The following DNM3 variants were observed in gnomAD, a reference collection of about 807,000 sequenced individuals.
The protein encoded by DNM3 is dynamin-3.
In DNM3, 47 loss-of-function variants were observed where a neutral mutation model predicts 101.6. That is an observed-to-expected ratio of 0.46 (90% CI 0.37 to 0.59). DNM3 has a LOEUF of 0.59. Among genes scored for constraint, DNM3 ranks in the 20% least tolerant of loss-of-function variants. DNM3 has a pLI of 0.00. For synonymous variants in DNM3, 385 were observed against 387.9 expected (o/e 0.99, Z 0.09); for missense variants, 849 against 1,085.7 (o/e 0.78, Z 3.06).
At chr1:172,267,713 CT>C (rs200336379) in intron 15 of DNM3, among the ~76,000 whole-genome samples, 14 of 148,736 alleles carry the variant, frequency 9.4e-5, no homozygotes, top group African/African-American at 2.2e-4. Context: ...TTCAGGTTTT[CT>C]TTTTTTTTTA....
At chr1:171,955,711 A>G (rs1287584316) in intron 2 of DNM3, among the ~76,000 whole-genome samples, 2 of 152,164 alleles carry the variant, frequency 1.3e-5, no homozygotes, top group East Asian at 3.9e-4. Flanking sequence ...GCCTAAGTTG[A>G]ATCTTAATTA....
At chr1:172,255,913 C>G (rs1053079388) in intron 15 of DNM3, among the ~76,000 whole-genome samples, 1 of 152,062 alleles carries the variant, frequency 6.6e-6, no homozygotes, top group Non-Finnish European at 1.5e-5. Flanking sequence ...ACTAAGGTTT[C>G]TGTTTTCATT....
chr1:172,319,100 TGA>T (rs1287992247), intron 16 of DNM3, among the ~76,000 whole-genome samples: 1 of 152,194 alleles, frequency 6.6e-6, no homozygotes, highest in African/African-American at 2.4e-5. Context: ...TACAACTATC[TGA>T]TCTTTGACAA....
At position 172,048,695 on chromosome 1, in the gene DNM3, G is replaced by A; in HGVS notation, c.1280G>A (p.Ser427Asn). Reference sequence around the variant, plus strand: ...AAGTTGAAAGGGCCTTCCTTGAAGAGTGTGGATCTGGTAATACAAGAATTA... The same window carrying A: ...AAGTTGAAAGGGCCTTCCTTGAAGAATGTGGATCTGGTAATACAAGAATTA... ...IVKLKGPSLK[S>N]VDLVIQELIN... is the part of the protein sequence containing the mutation. The change falls in exon 10 of 21, where the codon AGT (serine) becomes AAT (asparagine). Residue 427 changes from serine to asparagine, a missense_variant. Ser to Asn is a conservative substitution (Grantham distance 46). This residue lies in a region of DNM3 where 193 missense variants were observed against 238.4 expected (regional missense o/e 0.81). Transcript: ENST00000627582. 2 of 1,613,652 alleles carry A rather than the reference G, an allele frequency of 1.2e-6. No homozygotes were observed. Among genetic ancestry groups the A allele is most frequent in the East Asian group, 2.2e-5 (1 of 44,860 alleles).
rs573523453 is a variant in DNM3, at chr1:172,307,669, G to A, written c.1770-1059G>A. Among the ~76,000 whole-genome samples the A allele has an allele frequency of 4.9e-3, 739 of 152,172 alleles. 4 individuals are homozygous for A. The highest frequency in any genetic ancestry group is 0.017 in the African/African-American group (692 of 41,516). ...ACTGGATTAAGAAAATGTGGCACAT[G>A]TACACCATGGAATACTATGCAGCCA... On this transcript the variant is annotated intron_variant, in intron 15 of 20. Coordinates refer to ENST00000627582, the MANE Select transcript of DNM3 (RefSeq NM_015569.5).
At chr1:172,028,732 C>T (rs959446912) in intron 4 of DNM3, among the ~76,000 whole-genome samples, 4 of 152,044 alleles carry the variant, frequency 2.6e-5, no homozygotes, top group Non-Finnish European at 5.9e-5. Context: ...GGGATATCAC[C>T]ACTGATCCCA....
intron 12 of DNM3, among the ~76,000 whole-genome samples, chr1:172,090,368 T>C (rs1241366747): frequency 6.6e-6 from 1 of 151,796 alleles, no homozygotes; most frequent in Non-Finnish European, 1.5e-5. Context: ...CTTAGGAGAG[T>C]GCTACTCAAG....
At chr1:172,193,246 G>T (rs1408274316) in intron 14 of DNM3, among the ~76,000 whole-genome samples, 3 of 152,116 alleles carry the variant, frequency 2.0e-5, no homozygotes, top group Non-Finnish European at 4.4e-5. Flanking sequence ...TTGATTTGCT[G>T]CTGGATTTGG....
chr1:171,896,071 G>A lies in DNM3; in HGVS notation c.162-25677G>A, dbSNP rs992622996. Among the ~76,000 whole-genome samples, 260 of 152,234 alleles carry A rather than the reference G, an allele frequency of 1.7e-3. 2 individuals carry two copies. Among genetic ancestry groups the A allele is most frequent in the African/African-American group, 5.5e-3 (230 of 41,536 alleles). On this transcript the variant is annotated intron_variant, in intron 1 of 20. Transcript: ENST00000627582. The stretch of plus-strand genomic sequence containing the variant: ...GTAGTATAGTTTGAAGTCAGGTAGC[G>A]TGATGCCTCCAACTTTGTTCTTTTT...
chr1:172,303,140 G>T (rs2064557159), intron 15 of DNM3, among the ~76,000 whole-genome samples: 1 of 152,070 alleles, frequency 6.6e-6, no homozygotes, highest in Non-Finnish European at 1.5e-5. Context: ...TTGAAACAAG[G>T]TTAGACAAAT....
chr1:171,876,839 T>G (rs1231911771), intron 1 of DNM3, among the ~76,000 whole-genome samples: 1 of 152,260 alleles, frequency 6.6e-6, no homozygotes, highest in Non-Finnish European at 1.5e-5. Context: ...TTAAAATGTT[T>G]TTGCTATTTG....
chr1:171,980,130 T>C (rs2044679200), intron 2 of DNM3, among the ~76,000 whole-genome samples: 3 of 149,418 alleles, frequency 2.0e-5, no homozygotes, highest in African/African-American at 7.4e-5. Context: ...CTGAGGTTAA[T>C]TGTTTTCTTC....
chr1:172,356,075 C>G (rs1253963099), intron 17 of DNM3, among the ~76,000 whole-genome samples: 1 of 152,020 alleles, frequency 6.6e-6, no homozygotes, highest in Non-Finnish European at 1.5e-5. Flanking sequence ...GAAACACTGC[C>G]AAGCTACAGC....
intron 15 of DNM3, among the ~76,000 whole-genome samples, chr1:172,276,390 G>A (rs187992595): frequency 9.2e-5 from 14 of 152,000 alleles, no homozygotes; most frequent in South Asian, 4.2e-4. Context: ...AACTTTTTCC[G>A]ATAACTTATT....
intron 16 of DNM3, among the ~76,000 whole-genome samples, chr1:172,321,003 A>G (rs978433995): frequency 1.1e-4 from 17 of 152,360 alleles, no homozygotes; most frequent in African/African-American, 4.1e-4. Context: ...GAGATTAAAA[A>G]TGATGGCAGG....
At chr1:172,221,760 CTT>C (rs1557837031) in intron 14 of DNM3, among the ~76,000 whole-genome samples, 1 of 152,268 alleles carries the variant, frequency 6.6e-6, no homozygotes, top group East Asian at 1.9e-4. Context: ...TGCTATCTCT[CTT>C]TCTCTCTCCA....
Position 172,169,152 on chromosome 1 carries a change from A to G in DNM3, c.1659+37864A>G, listed in dbSNP as rs574552053. The stretch of plus-strand genomic sequence containing the variant: ...GACAGAATCCTTCCCTATTTCTGCA[A>G]TTTGTTTGGAATGAAATTCCATATT... On this transcript the variant is annotated intron_variant, in intron 14 of 20. Coordinates refer to ENST00000627582, the MANE Select transcript of DNM3 (RefSeq NM_015569.5). Among the ~76,000 whole-genome samples the G allele has an allele frequency of 8.7e-4, 132 of 151,888 alleles. 1 individual carries two copies. The South Asian group carries it at 1.0e-2, about 11-fold the overall frequency.
At chr1:172,097,293 T>A (rs2054311376) in intron 13 of DNM3, among the ~76,000 whole-genome samples, 1 of 151,712 alleles carries the variant, frequency 6.6e-6, no homozygotes, top group African/African-American at 2.4e-5. Context: ...CAAGCTTCTC[T>A]GGAGGCTGAG....
chr1:172,395,946 A>T (rs1159227801), intron 20 of DNM3, among the ~76,000 whole-genome samples: 1 of 152,198 alleles, frequency 6.6e-6, no homozygotes, highest in Non-Finnish European at 1.5e-5. Flanking sequence ...CACATTAAGT[A>T]TTTACATCAA....
Sources: allele counts gnomAD v4.1 joint callset (sites outside exome capture counted in the v4.1 genomes callset), GRCh38; gene constraint gnomAD v4.1.1; regional missense constraint gnomAD v4.1.1; transcripts MANE v1.5; gene names NCBI Gene and HGNC (gene_info 2026-07-23, HGNC 2026-07-21).